ZFYVE27: variants seen among roughly 807,000 people sequenced by gnomAD.
ZFYVE27 encodes the protein protrudin.
Under a neutral mutation model 52.8 loss-of-function variants are expected in ZFYVE27, and 36 were observed. The observed-to-expected ratio is 0.68, with a 90% CI of 0.52 to 0.90. The LOEUF is 0.90. Ranked by LOEUF, ZFYVE27 falls within the 40% of genes least tolerant of loss-of-function variation. The probability of loss-of-function intolerance (pLI) is 0.00; values close to 1 mark genes in which losing one functional copy is unlikely to be tolerated. For missense variants in ZFYVE27, 450 were observed against 527.2 expected, an observed-to-expected ratio of 0.85 and a Z score of 1.43; for synonymous variants, 223 against 215.6, an observed-to-expected ratio of 1.03 and a Z score of -0.30.
chr10:97,754,051 T>A (rs1337125483), intron 10 of ZFYVE27, among the ~76,000 whole-genome samples: 1 of 152,074 alleles, frequency 6.6e-6, no homozygotes, highest in African/African-American at 2.4e-5. Context: ...GCTGCTGTGC[T>A]CCTGAGGAAG....
At position 97,737,336 on chromosome 10, in the gene ZFYVE27, GT is replaced by G. The variant is rs949002161; in HGVS notation, c.-2+16del. On this transcript the variant is annotated intron_variant, in intron 1 of 12. Coordinates refer to ENST00000684270, the MANE Select transcript of ZFYVE27 (RefSeq NM_001385875.1). ...CCAGCGGCCGGGTAGGTGAGGTGCCGTCCCCCCGCGTCCCAGTGTCTCCGCA... is the reference window on the plus strand; with the variant it reads ...CCAGCGGCCGGGTAGGTGAGGTGCCGCCCCCCGCGTCCCAGTGTCTCCGCA... 1.3e-5 allele frequency: 2 copies of G among 152,402 alleles called. No homozygotes were observed. Among genetic ancestry groups the G allele is most frequent in the African/African-American group, 4.8e-5 (2 of 41,452 alleles). The allele number at this position is 152,402 out of a possible 1,614,324, so 9.4% of individuals were successfully genotyped here. A position where few individuals can be genotyped will look rare whatever the true frequency, so the allele number is the denominator to read the frequency against.
At chr10:97,757,986 C>T (rs2048816418) in intron 12 of ZFYVE27, 2 of 454,120 alleles carry the variant, frequency 4.4e-6, no homozygotes, top group Non-Finnish European at 7.9e-6. Context: ...AAACAAGAGC[C>T]CTGGCAACAC....
chr10:97,745,062 A>G (rs1362609383), intron 4 of ZFYVE27, 147 bp downstream of exon 4: 4 of 976,178 alleles, frequency 4.1e-6, no homozygotes, highest in Non-Finnish European at 6.1e-6. Context: ...GAGGTAGTTA[A>G]TATTAACATC....
intron 6 of ZFYVE27, 89 bp from the exon 7 acceptor site, chr10:97,750,242 G>T (rs147195140): frequency 6.4e-5 from 99 of 1,535,304 alleles, no homozygotes; most frequent in Admixed American, 3.5e-4. Context: ...GGGAAGAGAG[G>T]CCAGCCAGCT....
chr10:97,747,483 C>G lies in ZFYVE27; in HGVS notation c.456-786C>G, dbSNP rs551376961. Among the ~76,000 whole-genome samples the G allele has an allele frequency of 3.9e-5, 6 of 152,222 alleles. No homozygotes were observed. The South Asian group carries it at 1.2e-3, about 32-fold the overall frequency. On this transcript the variant is annotated intron_variant, in intron 4 of 12. Coordinates refer to ENST00000684270, the MANE Select transcript of ZFYVE27 (RefSeq NM_001385875.1). ...AAAGATGATCTTCTAATTATTCTAT[C>G]GACATTTTTTTAGCTGGCTTTCTAC...
rs1278200116 is a variant in ZFYVE27, at chr10:97,756,999, A to G, written c.1043-266A>G. Among the ~76,000 whole-genome samples the G allele has an allele frequency of 4.6e-5, 7 of 152,188 alleles. No homozygotes were observed. The East Asian group carries it at 1.4e-3, about 29-fold the overall frequency. On this transcript the variant is annotated intron_variant, in intron 10 of 12. Transcript: ENST00000684270. ...GCTGGGTGCTCTTTGATTTCTGTTG[A>G]ACCTGTAGGTAGGGCCACTCAGCTC...
chr10:97,752,690 T>C (rs1386198154), intron 8 of ZFYVE27, among the ~76,000 whole-genome samples, 167 bp from the exon 9 acceptor site: 1 of 152,160 alleles, frequency 6.6e-6, no homozygotes, highest in African/African-American at 2.4e-5. Flanking sequence ...GATGCTGGGA[T>C]CCTCTTGTGG....
chr10:97,757,442 A>C, intron 11 of ZFYVE27, 131 bp downstream of exon 11: 2 of 1,385,888 alleles, frequency 1.4e-6, no homozygotes, highest in South Asian at 2.4e-5. Flanking sequence ...TTCTGGAGTG[A>C]GTGTGCCCTC....
Position 97,757,296 on chromosome 10 carries a change from A to G in ZFYVE27, c.1074A>G (p.Ser358=), listed in dbSNP as rs199770845. Residue 358 remains serine, a synonymous_variant, in exon 11 of 13, where the codon TCA becomes TCG. Transcript: ENST00000684270. ...GNCTGCSATF[S]VLKKRRSCSN... is the part of the protein sequence containing the mutation. ...GCACGGGCTGCTCGGCCACCTTCTC[A>G]GTGCTGAAGAAGAGGGTGAGTGTCT... 20 of 1,614,132 alleles carry G rather than the reference A, an allele frequency of 1.2e-5. No homozygotes were observed. The highest frequency in any genetic ancestry group is 1.7e-5 in the Admixed American group (1 of 60,018).
chr10:97,741,062 C>T (rs1004075043), intron 2 of ZFYVE27, among the ~76,000 whole-genome samples: 6 of 152,152 alleles, frequency 3.9e-5, no homozygotes, highest in African/African-American at 1.4e-4. Flanking sequence ...TAGGGTGGTA[C>T]AGGTGGAGTG....
intron 2 of ZFYVE27, among the ~76,000 whole-genome samples, chr10:97,739,394 T>G (rs1349056112): frequency 6.6e-6 from 1 of 152,232 alleles, no homozygotes; most frequent in Non-Finnish European, 1.5e-5. Context: ...ATTGAGATTA[T>G]GGATCTTAAC....
In ZFYVE27 at chr10:97,738,594, C is replaced by T; in HGVS notation, c.117C>T (p.Asn39=). Residue 39 remains asparagine, a synonymous_variant, in exon 2 of 13, where the codon AAC becomes AAT. Coordinates refer to ENST00000684270, the MANE Select transcript of ZFYVE27 (RefSeq NM_001385875.1). ...PTKSPAFDLF[N]LVLSYKRLEI... ...AGTCCCCAGCGTTTGACCTTTTCAACTTGGTTCTCTCCTACAAGAGGCTGG... is the reference window on the plus strand; with the variant it reads ...AGTCCCCAGCGTTTGACCTTTTCAATTTGGTTCTCTCCTACAAGAGGCTGG... 1 of 1,614,226 alleles carries T rather than the reference C, an allele frequency of 6.2e-7. No individual in the cohort carries two copies. Among genetic ancestry groups the T allele is most frequent in the Non-Finnish European group, 8.5e-7 (1 of 1,180,048 alleles).
intron 6 of ZFYVE27, chr10:97,750,005 C>T: frequency 2.3e-6 from 1 of 426,148 alleles, no homozygotes; most frequent in Non-Finnish European, 4.4e-6. Flanking sequence ...TCTGGAGAGG[C>T]ACTGAGTCGC....
Position 97,754,597 on chromosome 10 carries a change from G to A in ZFYVE27, c.1042+1415G>A, listed in dbSNP as rs909513172. 3.2e-6 allele frequency: 4 copies of A among 1,250,036 alleles called. No homozygotes were observed. The African/African-American group carries it at 4.6e-5, about 14-fold the overall frequency. The allele number at this position is 1,250,036 out of a possible 1,614,324, so 77.4% of individuals were successfully genotyped here. On this transcript the variant is annotated intron_variant, in intron 10 of 12. Coordinates refer to ENST00000684270, the MANE Select transcript of ZFYVE27 (RefSeq NM_001385875.1). ...TCCAAAGTGTTAGGATTACAAGTGT[G>A]AGCCACCACGCCCGGCCCCTTTGTT...
At chr10:97,751,172 G>A (rs1393609421) in intron 7 of ZFYVE27, among the ~76,000 whole-genome samples, 1 of 152,178 alleles carries the variant, frequency 6.6e-6, no homozygotes, top group Admixed American at 6.5e-5. Flanking sequence ...TTCAACCACT[G>A]TGCGATGTGG....
intron 2 of ZFYVE27, among the ~76,000 whole-genome samples, chr10:97,742,228 A>G (rs374248015): frequency 1.9e-4 from 29 of 151,616 alleles, no homozygotes; most frequent in East Asian, 7.7e-4. Context: ...TGGCTCACCT[A>G]TATATTGACA....
chr10:97,753,307 A>T, intron 10 of ZFYVE27, 125 bp downstream of exon 10: 1 of 1,411,642 alleles, frequency 7.1e-7, no homozygotes, highest in Non-Finnish European at 9.5e-7. Context: ...TGACAAGAGC[A>T]GGGAGTGAAG....
At chr10:97,751,785 A>G (rs4430443) in intron 8 of ZFYVE27, among the ~76,000 whole-genome samples, 1 of 152,140 alleles carries the variant, frequency 6.6e-6, no homozygotes, top group East Asian at 1.9e-4. Context: ...TGAGGAGGCT[A>G]CTGCCCTGGG....
rs2049209888 is a variant in ZFYVE27 at position 97,759,569 on chromosome 10, G to A, written c.*269G>A. ...TTTGTCCTGCTCTGCCTGGGACTGAGCGAGTGGACTTAGGGCTGGGCAGGC... is the reference window on the plus strand; with the variant it reads ...TTTGTCCTGCTCTGCCTGGGACTGAACGAGTGGACTTAGGGCTGGGCAGGC... On this transcript the variant is annotated 3_prime_UTR_variant, in exon 13 of 13. Transcript: ENST00000684270. 1 of 535,812 alleles carries A rather than the reference G, an allele frequency of 1.9e-6. No homozygotes were observed. Among genetic ancestry groups the A allele is most frequent in the Non-Finnish European group, 3.4e-6 (1 of 294,774 alleles). 33.2% of individuals were successfully genotyped at this position (535,812 alleles called of 1,614,324 possible). A position where few individuals can be genotyped will look rare whatever the true frequency, so the allele number is the denominator to read the frequency against.
Sources: gnomAD v4.1 joint callset for allele counts (sites outside exome capture counted in the v4.1 genomes callset) on GRCh38, gnomAD v4.1.1 for gene constraint, MANE v1.5 for transcripts, NCBI Gene and HGNC (gene_info 2026-07-23, HGNC 2026-07-21) for gene names.